DAAM1: variants seen among roughly 807,000 people sequenced by gnomAD.
DAAM1 encodes dishevelled associated activator of morphogenesis 1.
Under a neutral mutation model 130.0 loss-of-function variants are expected in DAAM1, and 52 were observed. That is an observed-to-expected ratio of 0.40 (90% confidence interval 0.32 to 0.50). The LOEUF (loss-of-function observed/expected upper bound fraction) is 0.50, where lower values mean the gene tolerates loss of function less well. Ranked by LOEUF, DAAM1 falls within the 20% of genes least tolerant of loss-of-function variation. The pLI is 0.61. For missense variants in DAAM1, 1,134 were observed against 1,303.8 expected (o/e 0.87, Z 2.01); for synonymous variants, 452 against 444.5 (o/e 1.02, Z -0.21).
intron 15 of DAAM1, chr14:59,338,494 G>C: frequency 6.5e-7 from 1 of 1,530,020 alleles, no homozygotes; most frequent in Non-Finnish European, 9.0e-7. Flanking sequence ...GTTATCCAGG[G>C]TTTTGTTTTT....
At chr14:59,298,754 T>C (rs1884054926) in intron 3 of DAAM1, among the ~76,000 whole-genome samples, 1 of 152,226 alleles carries the variant, frequency 6.6e-6, no homozygotes, top group Admixed American at 6.5e-5. Flanking sequence ...TTGCCTCCTC[T>C]TCCTCTAATT....
At chr14:59,350,635 C>T (rs1886255535) in intron 17 of DAAM1, among the ~76,000 whole-genome samples, 1 of 152,112 alleles carries the variant, frequency 6.6e-6, no homozygotes, top group African/African-American at 2.4e-5. Context: ...CTCAGGGGCA[C>T]TTGCAACTTC....
rs527696703 is a variant in DAAM1, at chr14:59,308,773, A to C, written c.274-6507A>C. ...TTTCTTCCATAATTTCTCCTGCTGC[A>C]TGTGAGAGCCACTGTTATTGCAAGT... On this transcript the variant is annotated intron_variant, in intron 3 of 24. Transcript: ENST00000360909. Among the ~76,000 whole-genome samples the C allele has an allele frequency of 3.9e-5, 6 of 152,358 alleles. No homozygotes were observed. In the South Asian group the frequency reaches 1.0e-3, roughly 26 times the overall value.
intron 1 of DAAM1, among the ~76,000 whole-genome samples, chr14:59,201,633 C>G (rs576602322): frequency 4.4e-4 from 67 of 151,850 alleles, no homozygotes; most frequent in Admixed American, 1.9e-3. Flanking sequence ...TGCCTCACCC[C>G]CCTTCTAAAA....
chr14:59,350,312 G>A (rs1367485330), intron 17 of DAAM1, among the ~76,000 whole-genome samples: 2 of 151,616 alleles, frequency 1.3e-5, no homozygotes, highest in Non-Finnish European at 1.5e-5. Context: ...CTGCAACCTC[G>A]CCCTCTCTAC....
intron 1 of DAAM1, among the ~76,000 whole-genome samples, chr14:59,206,299 G>T (rs970670590): frequency 2.6e-5 from 4 of 151,666 alleles, no homozygotes; most frequent in African/African-American, 9.7e-5. Context: ...TTTTTGAGAC[G>T]GAGTCTTGCT....
rs144507417 is a variant in DAAM1, at chr14:59,345,714, G to A, written c.2076-1825G>A. On this transcript the variant is annotated intron_variant, in intron 16 of 24. Transcript: ENST00000360909. The stretch of plus-strand genomic sequence containing the variant: ...CCCTCACCTTCATCTGCAAGCCCAT[G>A]GGTGAGTGTGTGCTTTACACACCTT... Among the ~76,000 whole-genome samples, 31 of 152,270 alleles carry A rather than the reference G, an allele frequency of 2.0e-4. No homozygotes were observed. The East Asian group carries it at 6.0e-3, about 29-fold the overall frequency.
intron 1 of DAAM1, among the ~76,000 whole-genome samples, chr14:59,246,274 T>C (rs1362060860): frequency 2.0e-5 from 3 of 152,280 alleles, no homozygotes; most frequent in Middle Eastern, 3.4e-3. Context: ...TGTATTTGAG[T>C]ACTTTAGATA....
At chr14:59,246,863 T>C (rs1881404950) in intron 1 of DAAM1, among the ~76,000 whole-genome samples, 1 of 152,212 alleles carries the variant, frequency 6.6e-6, no homozygotes, top group South Asian at 2.1e-4. Context: ...TTTGGAGAAA[T>C]GTCTAGTCAA....
At chr14:59,313,295 C>T (rs143007806) in intron 3 of DAAM1, among the ~76,000 whole-genome samples, 1 of 152,302 alleles carries the variant, frequency 6.6e-6, no homozygotes, top group Non-Finnish European at 1.5e-5. Flanking sequence ...CTGAGGATCA[C>T]GTTAGTACAT....
Position 59,331,298 on chromosome 14 carries a change from T to TCCCCCACCA in DAAM1, c.1659_1667dup (p.Pro554_Pro556dup), listed in dbSNP as rs1196106427. ...CCTCTGTGCCTGGATCTCTCCTTCC[T>TCCCCCACCA]CCCCCACCACCCCCACCTCTACCAG... On this transcript the variant is annotated inframe_insertion, in exon 14 of 25. Coordinates refer to ENST00000360909, the MANE Select transcript of DAAM1 (RefSeq NM_001270520.2). 6.2e-7 allele frequency: 1 copy of TCCCCCACCA among 1,611,568 alleles called. No individual in the cohort carries two copies. The highest frequency in any genetic ancestry group is 1.1e-5 in the South Asian group (1 of 90,916).
At chr14:59,234,907 G>C (rs890244547) in intron 1 of DAAM1, among the ~76,000 whole-genome samples, 1 of 151,990 alleles carries the variant, frequency 6.6e-6, no homozygotes, top group African/African-American at 2.4e-5. Context: ...TAATCATGTG[G>C]TTTTTTTCCT....
intron 4 of DAAM1, among the ~76,000 whole-genome samples, chr14:59,316,216 A>C (rs1020764214): frequency 6.6e-6 from 1 of 152,170 alleles, no homozygotes; most frequent in Non-Finnish European, 1.5e-5. Flanking sequence ...CAAGTAGATG[A>C]TAGCTTCTAG....
intron 2 of DAAM1, among the ~76,000 whole-genome samples, chr14:59,276,680 G>T (rs1882983968): frequency 1.3e-5 from 2 of 152,176 alleles, no homozygotes. Context: ...AAAAATAAAA[G>T]TTAGACTTGT....
At chr14:59,326,438 A>G in intron 10 of DAAM1, 72 bp from the exon 11 acceptor site, 2 of 1,480,118 alleles carry the variant, frequency 1.4e-6, no homozygotes, top group Non-Finnish European at 1.8e-6. Flanking sequence ...AAGGGTGACC[A>G]CCATTGACAA....
chr14:59,359,111 C>T (rs1200613549), intron 20 of DAAM1: 4 of 226,234 alleles, frequency 1.8e-5, no homozygotes, highest in Admixed American at 5.1e-5. Context: ...GAAAGATGCT[C>T]ATTATGGGCC....
At chr14:59,194,475 C>A (rs1355542395) in intron 1 of DAAM1, among the ~76,000 whole-genome samples, 1 of 152,178 alleles carries the variant, frequency 6.6e-6, no homozygotes, top group East Asian at 1.9e-4. Context: ...CAGCATTAGA[C>A]CTTATTTGTT....
chr14:59,323,957 G>A (rs1049304469), intron 6 of DAAM1, among the ~76,000 whole-genome samples, 171 bp from the exon 7 acceptor site: 2 of 151,970 alleles, frequency 1.3e-5, no homozygotes, highest in South Asian at 2.1e-4. Context: ...GCGTGAACCC[G>A]GGAGGTGGAG....
chr14:59,241,198 G>A (rs950510904), intron 1 of DAAM1, among the ~76,000 whole-genome samples: 2 of 152,130 alleles, frequency 1.3e-5, no homozygotes, highest in African/African-American at 4.8e-5. Context: ...ATTTTTTTGA[G>A]TTATTGTTAT....
Sources: allele counts gnomAD v4.1 joint callset (sites outside exome capture counted in the v4.1 genomes callset), GRCh38; gene constraint gnomAD v4.1.1; transcripts MANE v1.5; gene names NCBI Gene and HGNC (gene_info 2026-07-23, HGNC 2026-07-21).